ATP2B1: variants seen among roughly 807,000 people sequenced by gnomAD.
The protein encoded by ATP2B1 is ATPase plasma membrane Ca2+ transporting 1.
A neutral mutation model predicts 124.2 loss-of-function variants in ATP2B1; 14 were observed. That is an observed-to-expected ratio of 0.11 (90% CI 0.07 to 0.18). The LOEUF (loss-of-function observed/expected upper bound fraction) is 0.18. ATP2B1 is among the 10% of genes least tolerant of loss of function. The pLI is 1.00. For missense variants in ATP2B1, 763 were observed against 1,466.1 expected, an observed-to-expected ratio of 0.52 and a Z score of 7.83; for synonymous variants, 449 against 492.4, an observed-to-expected ratio of 0.91 and a Z score of 1.17.
At chr12:89,598,446 C>T (rs1003574098) in intron 20 of ATP2B1, 4 of 917,576 alleles carry the variant, frequency 4.4e-6, no homozygotes, top group Admixed American at 6.0e-5. Context: ...AACGACAACA[C>T]TTTGAGGTCT....
chr12:89,608,596 ATTTG>A (rs1179021943), intron 15 of ATP2B1, among the ~76,000 whole-genome samples: 2 of 151,988 alleles, frequency 1.3e-5, no homozygotes. Context: ...TGTATTGTGT[ATTTG>A]TTTGATTATA....
intron 19 of ATP2B1, 100 bp downstream of exon 19, chr12:89,601,226 C>T: frequency 1.2e-6 from 1 of 842,610 alleles, no homozygotes; most frequent in Admixed American, 2.7e-5. Flanking sequence ...ACCACATTAA[C>T]CATTTAGAAT....
At chr12:89,694,120 A>T (rs2136764842) in intron 1 of ATP2B1, among the ~76,000 whole-genome samples, 1 of 152,278 alleles carries the variant, frequency 6.6e-6, no homozygotes, top group South Asian at 2.1e-4. Flanking sequence ...TATACCCATA[A>T]CTATTCTAAG....
At chr12:89,600,741 T>C (rs1002635982) in intron 19 of ATP2B1, among the ~76,000 whole-genome samples, 3 of 151,556 alleles carry the variant, frequency 2.0e-5, no homozygotes, top group Admixed American at 6.6e-5. Context: ...CTCTGCCTCC[T>C]GGGTTCAAGC....
chr12:89,601,059 TAA>T (rs1445079254), intron 19 of ATP2B1, among the ~76,000 whole-genome samples: 1 of 152,126 alleles, frequency 6.6e-6, no homozygotes, highest in African/African-American at 2.4e-5. Flanking sequence ...ACATCATTTT[TAA>T]AAACCGCTAC....
chr12:89,598,858 A>G (rs1875221222), intron 20 of ATP2B1: 4 of 1,269,236 alleles, frequency 3.2e-6, no homozygotes, highest in Non-Finnish European at 1.1e-6. Context: ...TACACAGCAT[A>G]TAGGCAAGAA....
chr12:89,680,608 C>G (rs1042027590), intron 1 of ATP2B1, among the ~76,000 whole-genome samples: 1 of 151,982 alleles, frequency 6.6e-6, no homozygotes, highest in Admixed American at 6.6e-5. Flanking sequence ...AGAAAATGTG[C>G]AAGAGATCCA....
intron 20 of ATP2B1, among the ~76,000 whole-genome samples, chr12:89,592,795 T>A (rs1873839981): frequency 6.6e-6 from 1 of 152,074 alleles, no homozygotes; most frequent in Non-Finnish European, 1.5e-5. Flanking sequence ...GTCACAAGTA[T>A]CGAGGCCAGG....
Position 89,671,446 on chromosome 12 carries a change from C to A in ATP2B1, c.-221-15339G>T, listed in dbSNP as rs371421586. On this transcript the variant is annotated intron_variant, in intron 1 of 20. Coordinates refer to ENST00000428670, the MANE Select transcript of ATP2B1 (RefSeq NM_001366521.1). Reference sequence around the variant, plus strand: ...GAGGGATTAAAATGTTGACTACTTACCAGAGTTAAGAGGAGGACACCTGTG... The same window carrying A: ...GAGGGATTAAAATGTTGACTACTTAACAGAGTTAAGAGGAGGACACCTGTG... Among the ~76,000 whole-genome samples, 10 of 152,124 alleles carry A rather than the reference C, an allele frequency of 6.6e-5. No homozygotes were observed. In the East Asian group the frequency reaches 1.7e-3, roughly 26 times the overall value.
At chr12:89,677,971 T>TATATATATATATATATATATATATAC (rs1461216851) in intron 1 of ATP2B1, among the ~76,000 whole-genome samples, 39 of 52,288 alleles carry the variant, frequency 7.5e-4, no homozygotes, top group Non-Finnish European at 1.2e-3. Context: ...TATATATATA[T>TATATATATATATATATATATATATAC]ACACACACAC....
chr12:89,633,956 G>C (rs1882298190), intron 5 of ATP2B1, among the ~76,000 whole-genome samples: 1 of 152,116 alleles, frequency 6.6e-6, no homozygotes, highest in Non-Finnish European at 1.5e-5. Flanking sequence ...CTAAAAGTTA[G>C]AATAATTAAT....
intron 2 of ATP2B1, 150 bp downstream of exon 2, chr12:89,655,529 G>A: frequency 2.9e-6 from 2 of 701,478 alleles, no homozygotes; most frequent in Non-Finnish European, 4.8e-6. Context: ...TACTTTAACT[G>A]TATTAATCTG....
At chr12:89,665,524 G>A (rs921077696) in intron 1 of ATP2B1, among the ~76,000 whole-genome samples, 3 of 152,044 alleles carry the variant, frequency 2.0e-5, no homozygotes, top group Non-Finnish European at 4.4e-5. Context: ...AGTAAAATAA[G>A]CTTTTGAAAA....
intron 12 of ATP2B1, 118 bp downstream of exon 12, chr12:89,616,684 C>G: frequency 4.3e-6 from 4 of 937,796 alleles, no homozygotes; most frequent in East Asian, 2.6e-5. Context: ...TGGGTTCACA[C>G]AGAAAAAAAA....
chr12:89,633,409 G>A lies in ATP2B1; in HGVS notation c.787+1369C>T, dbSNP rs200033892. On this transcript the variant is annotated intron_variant, in intron 5 of 20. Coordinates refer to ENST00000428670, the MANE Select transcript of ATP2B1 (RefSeq NM_001366521.1). ...GTTGGTGTGCTGCACCCATTAACTC[G>A]TCATTTAGCATTACGTATATCTCCT... Among the ~76,000 whole-genome samples the A allele has an allele frequency of 9.3e-5, 14 of 151,326 alleles. 1 individual carries two copies. The South Asian group carries it at 2.7e-3, about 29-fold the overall frequency.
In ATP2B1 at chr12:89,603,364, A is replaced by G; in HGVS notation, c.2849-110T>C. ...CTTTTATTTGATCTGAAATGGCAGCATGGAAGGAGCTAGAGAAACCTGGGA... is the reference window on the plus strand; with the variant it reads ...CTTTTATTTGATCTGAAATGGCAGCGTGGAAGGAGCTAGAGAAACCTGGGA... On this transcript the variant is annotated intron_variant, in intron 17 of 20. Coordinates refer to ENST00000428670, the MANE Select transcript of ATP2B1 (RefSeq NM_001366521.1). This position sits in a 1 kb window ranked among gnomAD's most constrained non-coding sequence, Gnocchi z 4.3. The G allele has an allele frequency of 1.1e-6, 1 of 932,294 alleles. No homozygotes were observed. Among genetic ancestry groups the G allele is most frequent in the Non-Finnish European group, 1.6e-6 (1 of 639,692 alleles). 57.8% of individuals were successfully genotyped at this position (932,294 alleles called of 1,614,324 possible).
rs757581271 is a variant in ATP2B1, at chr12:89,599,156, T to C, written c.3312A>G (p.Gln1104=). ...DHAERELRRG[Q]ILWFRGLNRI... ...TGTTCAGACCTCTAAACCACAAGAT[T>C]TGGCCACGCCGCAACTCCCTTTCAG... Residue 1104 remains glutamine, a synonymous_variant, in exon 20 of 21, where the codon CAA becomes CAG. Transcript: ENST00000428670. 1.2e-6 allele frequency: 2 copies of C among 1,614,146 alleles called. No homozygotes were observed. Among genetic ancestry groups the C allele is most frequent in the South Asian group, 1.1e-5 (1 of 91,086 alleles).
intron 2 of ATP2B1, among the ~76,000 whole-genome samples, chr12:89,651,517 C>T (rs1369643309): frequency 1.3e-5 from 2 of 152,120 alleles, no homozygotes; most frequent in Admixed American, 6.5e-5. Flanking sequence ...ATCCTCCCAC[C>T]TCAGCCTCCC....
chr12:89,625,999 A>T (rs12423192), intron 8 of ATP2B1, among the ~76,000 whole-genome samples: 3,529 of 152,242 alleles, frequency 0.023, 95 homozygotes, highest in South Asian at 0.076. Context: ...GGTATTTTCT[A>T]GTGATGGCAG....
Sources: gnomAD v4.1 joint callset for allele counts (sites outside exome capture counted in the v4.1 genomes callset) on GRCh38, gnomAD v4.1.1 for gene constraint, Gnocchi (gnomAD v3.1) non-coding constraint, MANE v1.5 for transcripts, NCBI Gene and HGNC (gene_info 2026-07-23, HGNC 2026-07-21) for gene names.